Variants in SGCZ observed in about 807,000 individuals in gnomAD.
SGCZ encodes the protein sarcoglycan zeta, also known as zeta-sarcoglycan.
Under a neutral mutation model 41.3 loss-of-function variants are expected in SGCZ, and 40 were observed. That is an observed-to-expected ratio of 0.97 (90% CI 0.75 to 1.26). SGCZ has a LOEUF of 1.26. Ranked by LOEUF, SGCZ falls within the 50% of genes most tolerant of loss-of-function variation. The pLI is 0.00. For missense variants in SGCZ, 552 were observed against 369.8 expected (o/e 1.49, Z -4.04); for synonymous variants, 206 against 137.5 (o/e 1.50, Z -3.49).
At chr8:15,009,475 A>C (rs965278395) in intron 1 of SGCZ, among the ~76,000 whole-genome samples, 66 of 152,218 alleles carry the variant, frequency 4.3e-4, no homozygotes, top group African/African-American at 1.6e-3. Flanking sequence ...TTACAAGTTT[A>C]TCTCAATAAG....
chr8:14,381,881 C>G (rs1414398104), intron 2 of SGCZ, among the ~76,000 whole-genome samples: 1 of 152,064 alleles, frequency 6.6e-6, no homozygotes, highest in Non-Finnish European at 1.5e-5. Context: ...AGTCATCTTT[C>G]CCTCAAAGAT....
At chr8:15,150,640 G>A (rs1201075531) in intron 1 of SGCZ, among the ~76,000 whole-genome samples, 1 of 152,204 alleles carries the variant, frequency 6.6e-6, no homozygotes, top group Non-Finnish European at 1.5e-5. Context: ...TTTTTCACCT[G>A]GACACCAAAC....
intron 1 of SGCZ, among the ~76,000 whole-genome samples, chr8:14,562,545 TAGAA>T (rs1418883105): frequency 1.3e-5 from 2 of 152,148 alleles, no homozygotes; most frequent in Non-Finnish European, 2.9e-5. Context: ...TTTAAAATGG[TAGAA>T]AGAGAATATC....
chr8:14,643,414 T>A (rs1807091090), intron 1 of SGCZ, among the ~76,000 whole-genome samples: 1 of 151,536 alleles, frequency 6.6e-6, no homozygotes. Flanking sequence ...AATTTAAAAA[T>A]TTGCTTAATT....
intron 1 of SGCZ, among the ~76,000 whole-genome samples, chr8:14,779,973 A>C (rs969129277): frequency 6.6e-6 from 1 of 152,212 alleles, no homozygotes; most frequent in Non-Finnish European, 1.5e-5. Context: ...TCTCACGGAC[A>C]TATCAGGAGG....
chr8:14,382,958 G>T (rs1018798385), intron 2 of SGCZ, among the ~76,000 whole-genome samples: 2 of 151,956 alleles, frequency 1.3e-5, no homozygotes, highest in East Asian at 3.9e-4. Flanking sequence ...CTTCTCTCCC[G>T]CAAAAAGCTG....
At chr8:14,899,404 A>G (rs1448092968) in intron 1 of SGCZ, among the ~76,000 whole-genome samples, 1 of 152,208 alleles carries the variant, frequency 6.6e-6, no homozygotes, top group African/African-American at 2.4e-5. Context: ...TAAAGATTTT[A>G]TAGTCTACTT....
At chr8:15,077,865 G>C (rs1383554875) in intron 1 of SGCZ, among the ~76,000 whole-genome samples, 7 of 152,178 alleles carry the variant, frequency 4.6e-5, no homozygotes, top group Non-Finnish European at 1.0e-4. Context: ...TTTGAGAGAT[G>C]CAGGAGGCAG....
At chr8:15,013,821 T>C (rs534131015) in intron 1 of SGCZ, among the ~76,000 whole-genome samples, 5 of 152,368 alleles carry the variant, frequency 3.3e-5, no homozygotes, top group African/African-American at 9.6e-5. Context: ...CAAGTTATAC[T>C]GACAAGAAAA....
intron 1 of SGCZ, among the ~76,000 whole-genome samples, chr8:15,107,483 T>G (rs1001283564): frequency 6.6e-6 from 1 of 152,126 alleles, no homozygotes; most frequent in Admixed American, 6.5e-5. Flanking sequence ...CTGGCTCTCT[T>G]GCTTCCTCTC....
intron 4 of SGCZ, among the ~76,000 whole-genome samples, chr8:14,181,443 G>T (rs1225724817): frequency 6.6e-6 from 1 of 152,204 alleles, no homozygotes; most frequent in African/African-American, 2.4e-5. Context: ...TCCACCCAGA[G>T]GTAGGTGGGC....
chr8:15,021,244 A>T (rs1320005645), intron 1 of SGCZ, among the ~76,000 whole-genome samples: 1 of 152,182 alleles, frequency 6.6e-6, no homozygotes, highest in Non-Finnish European at 1.5e-5. Flanking sequence ...AAGAAGTGCA[A>T]TTTATGTTTT....
chr8:14,573,189 C>CTTTTT (rs35000758), intron 1 of SGCZ, among the ~76,000 whole-genome samples: 5 of 76,462 alleles, frequency 6.5e-5, no homozygotes, highest in African/African-American at 1.1e-4. Flanking sequence ...CTTAGCAAGT[C>CTTTTT]TTTTTTTTTT....
intron 2 of SGCZ, among the ~76,000 whole-genome samples, chr8:14,378,448 G>T (rs1333155004): frequency 6.6e-6 from 1 of 152,132 alleles, no homozygotes; most frequent in East Asian, 1.9e-4. Context: ...TTAAACTTAA[G>T]AGCTTCTGTA....
intron 3 of SGCZ, among the ~76,000 whole-genome samples, chr8:14,285,769 G>C (rs188950487): frequency 6.6e-6 from 1 of 152,022 alleles, no homozygotes; most frequent in Non-Finnish European, 1.5e-5. Context: ...GTTAGTGTAC[G>C]AGAAACAAAT....
At chr8:14,305,670 T>C (rs970539965) in intron 3 of SGCZ, among the ~76,000 whole-genome samples, 4 of 152,164 alleles carry the variant, frequency 2.6e-5, no homozygotes, top group Non-Finnish European at 5.9e-5. Context: ...GAAATAATGA[T>C]AGTCTTTGTG....
At chr8:14,959,618 G>C (rs150492730) in intron 1 of SGCZ, among the ~76,000 whole-genome samples, 2 of 152,216 alleles carry the variant, frequency 1.3e-5, no homozygotes, top group East Asian at 3.9e-4. Flanking sequence ...AACAACAGCA[G>C]AAAGCACTGT....
intron 3 of SGCZ, among the ~76,000 whole-genome samples, chr8:14,238,564 T>C (rs373019732): frequency 6.6e-6 from 1 of 152,280 alleles, no homozygotes; most frequent in African/African-American, 2.4e-5. Flanking sequence ...TGAAGGACAA[T>C]AACACTGCCT....
intron 2 of SGCZ, among the ~76,000 whole-genome samples, chr8:14,397,180 G>A (rs976155770): frequency 6.6e-6 from 1 of 152,018 alleles, no homozygotes; most frequent in East Asian, 1.9e-4. Flanking sequence ...ACTTCACCTT[G>A]AGAGATGTTT....
Sources: allele counts gnomAD v4.1 joint callset (sites outside exome capture counted in the v4.1 genomes callset), GRCh38; gene constraint gnomAD v4.1.1; transcripts MANE v1.5; gene names NCBI Gene and HGNC (gene_info 2026-07-23, HGNC 2026-07-21).